Variants in LRPPRC observed in about 807,000 individuals in gnomAD.
The protein encoded by LRPPRC is leucine rich pentatricopeptide repeat containing, also known as leucine-rich PPR motif-containing protein, mitochondrial.
A neutral mutation model predicts 180.3 loss-of-function variants in LRPPRC; 120 were observed. The ratio of observed to expected loss-of-function variants is 0.67; its 90% CI spans 0.57 to 0.77. LRPPRC has a LOEUF of 0.77. Ranked by LOEUF, LRPPRC falls within the 30% of genes least tolerant of loss-of-function variation. LRPPRC has a pLI of 0.00. For missense variants in LRPPRC, 2,012 were observed against 1,657.2 expected (o/e 1.21, Z -3.72); for synonymous variants, 723 against 600.0 (o/e 1.21, Z -3.00).
At chr2:43,950,678 C>A in intron 14 of LRPPRC, 78 bp from the exon 15 acceptor site, 1 of 948,892 alleles carries the variant, frequency 1.1e-6, no homozygotes, top group South Asian at 1.3e-5. Flanking sequence ...ATGTACAGAT[C>A]AAAGTATTAA....
rs763228420 is a variant in LRPPRC, at chr2:43,979,807, T to C, written c.469+19A>G. 11 of 1,610,274 alleles carry C rather than the reference T, an allele frequency of 6.8e-6. No individual in the cohort carries two copies. Among genetic ancestry groups the C allele is most frequent in the South Asian group, 1.1e-5 (1 of 90,986 alleles). On this transcript the variant is annotated intron_variant, in intron 3 of 37. Coordinates refer to ENST00000260665, the MANE Select transcript of LRPPRC (RefSeq NM_133259.4). Reference sequence around the variant, plus strand: ...ACATCTACACCTTTTATACACATCATATATTTAAACAATCATACCTAATTT... The same window carrying C: ...ACATCTACACCTTTTATACACATCACATATTTAAACAATCATACCTAATTT...
chr2:43,995,975 A>T lies in LRPPRC; in HGVS notation c.-28T>A. 1 of 1,523,506 alleles carries T rather than the reference A, an allele frequency of 6.6e-7. No individual in the cohort carries two copies. Among genetic ancestry groups the T allele is most frequent in the South Asian group, 1.2e-5 (1 of 83,034 alleles). The allele number at this position is 1,523,506 out of a possible 1,614,324, so 94.4% of individuals were successfully genotyped here. A position where few individuals can be genotyped will look rare whatever the true frequency, so the allele number is the denominator to read the frequency against. ...CTCGAACGTCCCCGCAGCGGGAAGC[A>T]CGCTCCGCCAGAAGGACAGGAGGAG... is the stretch of plus-strand genomic sequence containing the variant. On this transcript the variant is annotated 5_prime_UTR_variant, in exon 1 of 38. Coordinates refer to ENST00000260665, the MANE Select transcript of LRPPRC (RefSeq NM_133259.4).
intron 15 of LRPPRC, 70 bp from the exon 16 acceptor site, chr2:43,949,729 A>C (rs913000830): frequency 9.6e-7 from 1 of 1,042,814 alleles, no homozygotes; most frequent in Non-Finnish European, 1.5e-6. Flanking sequence ...CTGAAATTGA[A>C]TTCTTGAAAT....
At chr2:43,956,569 T>C (rs983802636) in intron 14 of LRPPRC, among the ~76,000 whole-genome samples, 4 of 150,420 alleles carry the variant, frequency 2.7e-5, no homozygotes, top group African/African-American at 7.4e-5. Context: ...CACGGCAAAA[T>C]ATTAACAACT....
At chr2:43,979,463 A>G (rs1385694042) in intron 3 of LRPPRC, among the ~76,000 whole-genome samples, 1 of 152,178 alleles carries the variant, frequency 6.6e-6, no homozygotes, top group Non-Finnish European at 1.5e-5. Flanking sequence ...TTACTATTAC[A>G]AACAAGCTAC....
chr2:43,993,453 T>G (rs373125185), intron 1 of LRPPRC, among the ~76,000 whole-genome samples: 5 of 151,854 alleles, frequency 3.3e-5, no homozygotes, highest in African/African-American at 1.2e-4. Flanking sequence ...GTGACTGCAG[T>G]GGATAGGAAA....
chr2:43,889,858 G>A lies in LRPPRC; in HGVS notation c.4004C>T (p.Thr1335Ile), dbSNP rs766583145. The A allele has an allele frequency of 6.2e-6, 10 of 1,607,680 alleles. No homozygotes were observed. Among genetic ancestry groups the A allele is most frequent in the South Asian group, 3.3e-5 (3 of 90,950 alleles). ...ATGTTCATACAGTGCTTTAGCAGAT[G>A]TGACATCTTTCTCTGAGACTGACAT... ...MKSYVSEKDV[T>I]SAKALYEHLT... Residue 1335 changes from threonine (T) to isoleucine (I), a missense_variant, in exon 37 of 38, where the codon ACA (threonine) becomes ATA (isoleucine). Physicochemically the swap from Thr to Ile is moderately conservative, Grantham distance 89. Transcript: ENST00000260665.
At chr2:43,955,205 C>T (rs890638042) in intron 14 of LRPPRC, among the ~76,000 whole-genome samples, 1 of 152,120 alleles carries the variant, frequency 6.6e-6, no homozygotes. Context: ...CAGAGGCTCA[C>T]ACCTGCAATA....
intron 1 of LRPPRC, 40 bp downstream of exon 1, chr2:43,995,759 G>A (rs1311053012): frequency 7.4e-7 from 1 of 1,347,978 alleles, no homozygotes; most frequent in Non-Finnish European, 9.5e-7. Context: ...GGGGGACCCT[G>A]GCGCCGCAGC....
chr2:43,888,523 TC>T lies in LRPPRC; in HGVS notation c.*76del, dbSNP rs990706166. The T allele has an allele frequency of 2.1e-5, 19 of 925,372 alleles. No homozygotes were observed. The highest frequency in any genetic ancestry group is 1.4e-4 in the Admixed American group (8 of 56,342). The allele number at this position is 925,372 out of a possible 1,614,324, so 57.3% of individuals were successfully genotyped here. A position where few individuals can be genotyped will look rare whatever the true frequency, so the allele number is the denominator to read the frequency against. On this transcript the variant is annotated 3_prime_UTR_variant, in exon 38 of 38. Coordinates refer to ENST00000260665, the MANE Select transcript of LRPPRC (RefSeq NM_133259.4). ...CATAAAGAAAATTTTCATTTATTTT[TC>T]CCTCAGATATACTTCAAAATAACAT...
At chr2:43,964,413 G>C (rs1559023170) in intron 11 of LRPPRC, among the ~76,000 whole-genome samples, 3 of 152,122 alleles carry the variant, frequency 2.0e-5, no homozygotes. Flanking sequence ...TAATTTGACA[G>C]AGGCTACAGT....
chr2:43,948,661 T>G, intron 16 of LRPPRC, 143 bp from the exon 17 acceptor site: 2 of 674,232 alleles, frequency 3.0e-6, no homozygotes, highest in Non-Finnish European at 5.4e-6. Context: ...CACTGAGGCA[T>G]AGAGATTATG....
intron 11 of LRPPRC, 52 bp downstream of exon 11, chr2:43,973,555 T>G (rs1442517626): frequency 5.3e-6 from 6 of 1,130,682 alleles, no homozygotes; most frequent in Non-Finnish European, 8.1e-6. Context: ...GCGTGCAAAC[T>G]GTCATACTGG....
Position 43,905,694 on chromosome 2 carries a change from T to A in LRPPRC, c.3362A>T (p.Lys1121Ile), listed in dbSNP as rs1369944064. ...IITQVRRDYLKEAVTTLKTVL... is the reference protein window; with the variant it reads ...IITQVRRDYLIEAVTTLKTVL... ...AAAGGTCAAGCATTGTGACATACCT[T>A]TCAAATAATCCCGCCTAACTTGCGT... The change falls in exon 31 of 38, where the codon AAA becomes ATA. Residue 1121 changes from lysine to isoleucine, a missense_variant and splice_region_variant. Coordinates refer to ENST00000260665, the MANE Select transcript of LRPPRC (RefSeq NM_133259.4). 1 of 1,611,492 alleles carries A rather than the reference T, an allele frequency of 6.2e-7. No homozygotes were observed. Among genetic ancestry groups the A allele is most frequent in the East Asian group, 2.2e-5 (1 of 44,878 alleles).
chr2:43,957,846 G>A (rs1673186275), intron 13 of LRPPRC, among the ~76,000 whole-genome samples: 1 of 152,120 alleles, frequency 6.6e-6, no homozygotes, highest in Non-Finnish European at 1.5e-5. Context: ...GACAGCACAT[G>A]AGAGGAAAAA....
chr2:43,993,113 G>A (rs973062522), intron 1 of LRPPRC, among the ~76,000 whole-genome samples: 1 of 152,186 alleles, frequency 6.6e-6, no homozygotes, highest in South Asian at 2.1e-4. Context: ...AGTGTCTCAT[G>A]AAGGGGAAAA....
intron 3 of LRPPRC, among the ~76,000 whole-genome samples, chr2:43,977,478 GTA>G (rs1674111396): frequency 6.6e-6 from 1 of 152,130 alleles, no homozygotes; most frequent in Non-Finnish European, 1.5e-5. Flanking sequence ...CTGAGTTACT[GTA>G]TAGTTACAAG....
chr2:43,942,952 T>A (rs546130345), intron 23 of LRPPRC, among the ~76,000 whole-genome samples: 2 of 152,216 alleles, frequency 1.3e-5, no homozygotes, highest in South Asian at 2.1e-4. Context: ...AATTTGCCAG[T>A]GCAGTCTCCA....
intron 11 of LRPPRC, among the ~76,000 whole-genome samples, chr2:43,971,944 T>A (rs1045568582): frequency 2.0e-5 from 3 of 151,982 alleles, no homozygotes; most frequent in African/African-American, 7.3e-5. Context: ...AGCATAAACT[T>A]TTATATTTTT....
Sources: allele counts gnomAD v4.1 joint callset (sites outside exome capture counted in the v4.1 genomes callset), GRCh38; gene constraint gnomAD v4.1.1; transcripts MANE v1.5; gene names NCBI Gene and HGNC (gene_info 2026-07-23, HGNC 2026-07-21).